REV3L: variants seen among roughly 807,000 people sequenced by gnomAD.
REV3L encodes the protein DNA polymerase zeta catalytic subunit.
In REV3L, 69 loss-of-function variants were observed where a neutral mutation model predicts 299.4. That is an observed-to-expected ratio of 0.23 (90% CI 0.19 to 0.28). The LOEUF (loss-of-function observed/expected upper bound fraction) is 0.28. Ranked by LOEUF, REV3L falls within the 10% of genes least tolerant of loss-of-function variation. The pLI, the probability that REV3L is intolerant of heterozygous loss-of-function variation, is 1.00. For missense variants in REV3L, 3,128 were observed against 3,693.8 expected (o/e 0.85, Z 3.97); for synonymous variants, 1,238 against 1,271.4 (o/e 0.97, Z 0.56).
intron 1 of REV3L, among the ~76,000 whole-genome samples, chr6:111,454,474 T>G (rs1583052543): frequency 6.6e-6 from 1 of 152,098 alleles, no homozygotes; most frequent in East Asian, 1.9e-4. Flanking sequence ...CATTATTGTG[T>G]AACCATCATC....
chr6:111,367,469 C>T lies in REV3L; in HGVS notation c.6319G>A (p.Glu2107Lys), dbSNP rs764100208. ...ATGTAATAGTTATCATCATCATCTT[C>T]ATCTTTTTCGGGATCACTTGCAGAG... Reference protein sequence around the residue: ...VASASDPEKDEDDDDNYYISY... With the variant: ...VASASDPEKDKDDDDNYYISY... Residue 2107 changes from glutamate to lysine, a missense_variant, in exon 14 of 32, where the codon GAA becomes AAA. By Grantham distance (56) the Glu-to-Lys change is moderately conservative (BLOSUM62 1). Transcript: ENST00000368802. 1.9e-6 allele frequency: 3 copies of T among 1,608,824 alleles called. No homozygotes were observed. The highest frequency in any genetic ancestry group is 2.5e-6 in the Non-Finnish European group (3 of 1,176,680).
At chr6:111,330,165 C>A in intron 24 of REV3L, 1 of 377,998 alleles carries the variant, frequency 2.6e-6, no homozygotes, top group Non-Finnish European at 5.4e-6. Context: ...CAGAAATCTG[C>A]ATGGAACTCC....
chr6:111,353,716 A>G (rs962968300), intron 18 of REV3L: 3 of 152,224 alleles, frequency 2.0e-5, no homozygotes, highest in Non-Finnish European at 4.4e-5. Context: ...CCAGAAAGGA[A>G]GTCCAGAAAG....
chr6:111,347,217 C>T (rs770079929), intron 20 of REV3L, among the ~76,000 whole-genome samples: 26 of 151,704 alleles, frequency 1.7e-4, no homozygotes, highest in Non-Finnish European at 3.1e-4. Context: ...TGCGGTGAGC[C>T]GAGACTGCAC....
intron 1 of REV3L, chr6:111,460,376 T>C (rs1422117018): frequency 1.3e-5 from 2 of 151,800 alleles, no homozygotes; most frequent in Non-Finnish European, 2.9e-5. Context: ...AATATACCTT[T>C]GTAATAAACC....
At position 111,367,773 on chromosome 6, in the gene REV3L, C is replaced by A. The variant is rs1779375132; in HGVS notation, c.6015G>T (p.Leu2005=). 3 of 1,614,190 alleles carry A rather than the reference C, an allele frequency of 1.9e-6. No individual in the cohort carries two copies. Among genetic ancestry groups the A allele is most frequent in the East Asian group, 2.2e-5 (1 of 44,880 alleles). ...MPCKCAPSRQ[L]VQVWLQAKEE... ...CTTTGGCTTGAAGCCACACTTGAAC[C>A]AGTTGTCGACTTGGGGCACATTTGC... Residue 2005 remains leucine, a synonymous_variant, in exon 14 of 32, where the codon CTG becomes CTT. Coordinates refer to ENST00000368802, the MANE Select transcript of REV3L (RefSeq NM_001372078.1).
At chr6:111,343,812 A>T in intron 21 of REV3L, 113 bp downstream of exon 21, 1 of 685,878 alleles carries the variant, frequency 1.5e-6, no homozygotes, top group Non-Finnish European at 2.3e-6. Flanking sequence ...TTACAGGCGT[A>T]AGCCACCGCA....
chr6:111,390,206 T>G, intron 5 of REV3L, 26 bp from the exon 6 acceptor site: 1 of 1,399,510 alleles, frequency 7.1e-7, no homozygotes. Context: ...ATAAAAAACA[T>G]AATAATTATG....
intron 1 of REV3L, among the ~76,000 whole-genome samples, chr6:111,443,676 A>G (rs569197719): frequency 6.6e-6 from 1 of 152,348 alleles, no homozygotes; most frequent in Non-Finnish European, 1.5e-5. Context: ...TACTCTGAAT[A>G]GACAAAATGT....
chr6:111,334,382 G>A (rs190569636), intron 22 of REV3L, among the ~76,000 whole-genome samples: 1 of 152,198 alleles, frequency 6.6e-6, no homozygotes, highest in East Asian at 1.9e-4. Context: ...GCTGTCAGGA[G>A]ACTTAAGATA....
chr6:111,357,204 TCTA>T (rs1398355713), intron 17 of REV3L, 79 bp from the exon 18 acceptor site: 2 of 462,426 alleles, frequency 4.3e-6, no homozygotes, highest in Non-Finnish European at 7.0e-6. Flanking sequence ...AATATTATCC[TCTA>T]CTTTTAAGTA....
rs757373846 is a variant in REV3L at position 111,333,197 on chromosome 6, T to G, written c.7851A>C (p.Ser2617=). 6.2e-7 allele frequency: 1 copy of G among 1,614,102 alleles called. No homozygotes were observed. The highest frequency in any genetic ancestry group is 2.2e-5 in the East Asian group (1 of 44,856). The part of the protein sequence containing the change: ...SNSVLVLDFQ[S]LYPSIVIAYN... ...ATGCAATCACAATAGAAGGATAAAGTGATTGGAAATCCAAAACGAGAACAG... is the reference window on the plus strand; with the variant it reads ...ATGCAATCACAATAGAAGGATAAAGGGATTGGAAATCCAAAACGAGAACAG... The change falls in exon 23 of 32, where the codon TCA becomes TCC. Residue 2617 remains serine (S), a synonymous_variant. Coordinates refer to ENST00000368802, the MANE Select transcript of REV3L (RefSeq NM_001372078.1).
At position 111,387,849 on chromosome 6, in the gene REV3L, G is replaced by T. The variant is rs1562236034; in HGVS notation, c.1012C>A (p.His338Asn). The part of the protein sequence containing the change: ...SQEFSAELTL[H>N]SEVLSPEMLQ... The stretch of plus-strand genomic sequence containing the variant: ...ATTTCAGGAGACAGAACCTCAGAGT[G>T]CAATGTTAACTCAGCAGAGAACTCC... The change falls in exon 9 of 32, where the codon CAC becomes AAC. Residue 338 changes from histidine to asparagine, a missense_variant. Around this residue, in one of 9 missense-constraint regions of REV3L, gnomAD observed 2,409 missense variants for 2,611.8 expected, o/e 0.92. Transcript: ENST00000368802. 1 of 1,613,590 alleles carries T rather than the reference G, an allele frequency of 6.2e-7. No individual in the cohort carries two copies. Among genetic ancestry groups the T allele is most frequent in the East Asian group, 2.2e-5 (1 of 44,830 alleles).
intron 20 of REV3L, among the ~76,000 whole-genome samples, chr6:111,345,776 C>CT (rs879786443): frequency 4.9e-4 from 72 of 145,494 alleles, no homozygotes; most frequent in East Asian, 8.0e-4. Flanking sequence ...CTGCTGCCGC[C>CT]TTTTTTTTTT....
chr6:111,400,183 T>C (rs549285952), intron 4 of REV3L, among the ~76,000 whole-genome samples: 1 of 152,336 alleles, frequency 6.6e-6, no homozygotes, highest in South Asian at 2.1e-4. Flanking sequence ...TTGGCAGTTA[T>C]GAATAAAGTT....
chr6:111,385,512 A>C (rs1781257387), intron 9 of REV3L, among the ~76,000 whole-genome samples: 1 of 152,184 alleles, frequency 6.6e-6, no homozygotes, highest in African/African-American at 2.4e-5. Flanking sequence ...GAAAATTTTC[A>C]TTACATCAGG....
intron 4 of REV3L, among the ~76,000 whole-genome samples, chr6:111,400,410 G>A (rs749632478): frequency 3.3e-5 from 5 of 152,132 alleles, no homozygotes; most frequent in African/African-American, 4.8e-5. Flanking sequence ...TTAGTCTTGC[G>A]AATTGTAGTC....
At chr6:111,301,931 A>G (rs1168285509) in intron 31 of REV3L, among the ~76,000 whole-genome samples, 4 of 152,240 alleles carry the variant, frequency 2.6e-5, no homozygotes, top group African/African-American at 7.2e-5. Flanking sequence ...AGTGTAGACA[A>G]GTGATTTTAA....
chr6:111,326,605 A>ACCC (rs35434609), intron 25 of REV3L, among the ~76,000 whole-genome samples: 4 of 146,146 alleles, frequency 2.7e-5, no homozygotes, highest in Admixed American at 6.9e-5. Context: ...CTGGGTATAT[A>ACCC]CCCCCCCCAA....
Sources: gnomAD v4.1 joint callset for allele counts (sites outside exome capture counted in the v4.1 genomes callset) on GRCh38, gnomAD v4.1.1 for gene constraint, gnomAD v4.1.1 regional missense constraint, MANE v1.5 for transcripts, NCBI Gene and HGNC (gene_info 2026-07-23, HGNC 2026-07-21) for gene names.